EPHA5: variants seen among roughly 807,000 people sequenced by gnomAD.
EPHA5 encodes the protein ephrin type-A receptor 5.
In EPHA5, 60 loss-of-function variants were observed where a neutral mutation model predicts 105.0. That is an observed-to-expected ratio of 0.57 (90% CI 0.46 to 0.71). EPHA5 has a LOEUF of 0.71. Ranked by LOEUF, EPHA5 falls within the 30% of genes least tolerant of loss-of-function variation. The pLI, the probability that EPHA5 is intolerant of heterozygous loss-of-function variation, is 0.00. For missense variants in EPHA5, 1,218 were observed against 1,274.7 expected (o/e 0.96, Z 0.68); for synonymous variants, 513 against 449.1 (o/e 1.14, Z -1.80).
chr4:65,613,026 T>TAATC (rs1744916017), intron 2 of EPHA5, among the ~76,000 whole-genome samples: 1 of 152,154 alleles, frequency 6.6e-6, no homozygotes, highest in African/African-American at 2.4e-5. Context: ...TTTAAATCTA[T>TAATC]AATCCATCTT....
chr4:65,465,528 AAAAGAAAGG>A (rs1728601744), intron 5 of EPHA5, among the ~76,000 whole-genome samples: 31 of 76,376 alleles, frequency 4.1e-4, no homozygotes, highest in African/African-American at 5.5e-4. Context: ...AGAAAGAAAG[AAAAGAAAGG>A]AAAGGAAGGA....
intron 8 of EPHA5, among the ~76,000 whole-genome samples, chr4:65,390,526 C>T (rs1183788229): frequency 6.6e-6 from 1 of 152,034 alleles, no homozygotes; most frequent in African/African-American, 2.4e-5. Context: ...TCCTATGCCT[C>T]TTCCGTGTTT....
chr4:65,636,789 T>C (rs544104820), intron 2 of EPHA5, among the ~76,000 whole-genome samples: 1 of 151,920 alleles, frequency 6.6e-6, no homozygotes, highest in South Asian at 2.1e-4. Context: ...TACAAGAAAA[T>C]GTATTATCTA....
At chr4:65,474,615 A>G (rs1578199934) in intron 5 of EPHA5, among the ~76,000 whole-genome samples, 1 of 152,178 alleles carries the variant, frequency 6.6e-6, no homozygotes, top group Non-Finnish European at 1.5e-5. Flanking sequence ...CTAATCAAAA[A>G]CATTTCACAT....
intron 3 of EPHA5, among the ~76,000 whole-genome samples, chr4:65,548,105 A>G (rs1255488704): frequency 6.6e-6 from 1 of 150,894 alleles, no homozygotes; most frequent in Admixed American, 6.7e-5. Flanking sequence ...CCAAACAGTG[A>G]GCAATATCAA....
intron 9 of EPHA5, 143 bp downstream of exon 9, chr4:65,367,214 A>C (rs1717992159): frequency 4.6e-6 from 3 of 654,588 alleles, no homozygotes; most frequent in Non-Finnish European, 7.5e-6. Context: ...TCTTTACAGG[A>C]ATGTAACAAA....
intron 11 of EPHA5, among the ~76,000 whole-genome samples, chr4:65,355,538 A>G (rs565489644): frequency 4.4e-4 from 67 of 151,690 alleles, no homozygotes; most frequent in African/African-American, 1.5e-3. Context: ...CTCTGAGCCC[A>G]TTTCAACCTT....
chr4:65,365,651 A>ATG (rs1553900993), intron 10 of EPHA5, among the ~76,000 whole-genome samples: 4 of 16,068 alleles, frequency 2.5e-4, no homozygotes, highest in African/African-American at 1.9e-3. Context: ...CAAATTCACT[A>ATG]TATATATATA....
rs1228560138 is a variant in EPHA5, at chr4:65,554,345, A to G, written c.910+47296T>C. Among the ~76,000 whole-genome samples the G allele has an allele frequency of 2.0e-5, 3 of 150,590 alleles. No individual in the cohort carries two copies. In the Admixed American group the frequency reaches 2.0e-4, roughly 10 times the overall value. On this transcript the variant is annotated intron_variant, in intron 3 of 16. Transcript: ENST00000613740. ...ATGGGGCTTTATTATGTACTTGGCT[A>G]TAATTTTGGCTAATCTATTTGAAAT...
intron 5 of EPHA5, among the ~76,000 whole-genome samples, chr4:65,475,966 T>C (rs1578202684): frequency 1.3e-5 from 2 of 152,250 alleles, no homozygotes; most frequent in African/African-American, 4.8e-5. Flanking sequence ...TTGGGCAAAC[T>C]GACATCAAAC....
chr4:65,586,352 G>T (rs1459713896), intron 3 of EPHA5, among the ~76,000 whole-genome samples: 5 of 151,518 alleles, frequency 3.3e-5, no homozygotes, highest in Non-Finnish European at 7.4e-5. Flanking sequence ...TAAGTTCATT[G>T]TGATTTTTTT....
At chr4:65,431,833 C>T (rs1023660271) in intron 5 of EPHA5, among the ~76,000 whole-genome samples, 6 of 151,986 alleles carry the variant, frequency 3.9e-5, no homozygotes, top group Non-Finnish European at 7.4e-5. Flanking sequence ...AGAGAGTGGC[C>T]TCATTTATCT....
chr4:65,401,910 A>T (rs561298776), intron 8 of EPHA5, among the ~76,000 whole-genome samples: 38,057 of 149,696 alleles, frequency 0.25, 6,816 homozygotes, highest in African/African-American at 0.51. Context: ...TGTGTGAGAG[A>T]GAGAGAGAGA....
At chr4:65,660,068 A>C (rs1438767656) in intron 1 of EPHA5, among the ~76,000 whole-genome samples, 1 of 152,116 alleles carries the variant, frequency 6.6e-6, no homozygotes, top group Non-Finnish European at 1.5e-5. Flanking sequence ...TTTTATACAT[A>C]TACGTGTGTG....
intron 11 of EPHA5, among the ~76,000 whole-genome samples, chr4:65,363,865 G>T (rs1162514732): frequency 6.6e-6 from 1 of 151,244 alleles, no homozygotes; most frequent in Non-Finnish European, 1.5e-5. Flanking sequence ...TTGCATCTGT[G>T]ACCATATTTT....
At chr4:65,511,552 A>T (rs914461082) in intron 3 of EPHA5, among the ~76,000 whole-genome samples, 6 of 152,192 alleles carry the variant, frequency 3.9e-5, no homozygotes, top group Non-Finnish European at 7.3e-5. Context: ...GCATATGTGT[A>T]TATATGTATG....
intron 3 of EPHA5, among the ~76,000 whole-genome samples, chr4:65,540,754 C>T (rs186315087): frequency 2.9e-4 from 43 of 150,250 alleles, no homozygotes; most frequent in African/African-American, 9.2e-4. Context: ...GTTTTATTTC[C>T]TGATTTTTTT....
chr4:65,434,906 T>C (rs1725332703), intron 5 of EPHA5, among the ~76,000 whole-genome samples: 1 of 152,088 alleles, frequency 6.6e-6, no homozygotes, highest in African/African-American at 2.4e-5. Context: ...TTCAGCCTGT[T>C]CCAAAAATGA....
intron 8 of EPHA5, among the ~76,000 whole-genome samples, chr4:65,389,187 A>G (rs2148951104): frequency 6.6e-6 from 1 of 152,182 alleles, no homozygotes; most frequent in South Asian, 2.1e-4. Context: ...ATACTTGTGC[A>G]AGCTTAATGT....
Sources: gnomAD v4.1 joint callset for allele counts (sites outside exome capture counted in the v4.1 genomes callset) on GRCh38, gnomAD v4.1.1 for gene constraint, MANE v1.5 for transcripts, NCBI Gene and HGNC (gene_info 2026-07-23, HGNC 2026-07-21) for gene names.